Variants in SNRPN observed in about 807,000 individuals in gnomAD.
The protein encoded by SNRPN is small nuclear ribonucleoprotein-associated protein N.
Under a neutral mutation model 25.2 loss-of-function variants are expected in SNRPN, and 7 were observed. The observed-to-expected ratio is 0.28, with a 90% CI of 0.16 to 0.52. The LOEUF (loss-of-function observed/expected upper bound fraction) is 0.52, where lower values mean the gene tolerates loss of function less well. Among genes scored for constraint, SNRPN ranks in the 20% least tolerant of loss-of-function variants. The pLI is 0.96. For missense variants in SNRPN, 196 were observed against 322.5 expected (o/e 0.61, Z 3.00); for synonymous variants, 124 against 110.6 (o/e 1.12, Z -0.76).
In SNRPN at chr15:24,975,504, G is replaced by T; in HGVS notation, c.150G>T (p.Lys50Asn). Reference protein sequence around the residue: ...LILCDCDEFRKIKPKNAKQPE... With the variant: ...LILCDCDEFRNIKPKNAKQPE... The stretch of plus-strand genomic sequence containing the variant: ...TCTGTGATTGTGATGAGTTCAGAAA[G>T]ATCAAGTAAGGCTGATTTGGGCAAA... The change falls in exon 5 of 10, where the codon AAG becomes AAT. Residue 50 changes from lysine (K) to asparagine (N), a missense_variant. Lys to Asn is a moderately conservative substitution (Grantham distance 94). Transcript: ENST00000390687. 6.2e-7 allele frequency: 1 copy of T among 1,613,342 alleles called. No individual in the cohort carries two copies. The highest frequency in any genetic ancestry group is 8.5e-7 in the Non-Finnish European group (1 of 1,179,622).
chr15:24,972,318 C>T (rs899740081), intron 3 of SNRPN, among the ~76,000 whole-genome samples: 2 of 150,786 alleles, frequency 1.3e-5, no homozygotes, highest in Admixed American at 1.3e-4. Flanking sequence ...TGGATTTAGA[C>T]TGCTTTATAA....
intron 3 of SNRPN, among the ~76,000 whole-genome samples, chr15:24,973,923 G>GA (rs771758257): frequency 1.4e-4 from 21 of 151,968 alleles, no homozygotes; most frequent in Non-Finnish European, 2.9e-4. Flanking sequence ...AGGTATTTCA[G>GA]AAAAAAGGAA....
chr15:24,860,930 C>A (rs1402246695), intron 1 of SNRPN, among the ~76,000 whole-genome samples: 1 of 152,066 alleles, frequency 6.6e-6, no homozygotes, highest in Non-Finnish European at 1.5e-5. Flanking sequence ...GTGGTTCAAC[C>A]TATTATACCC....
intron 3 of SNRPN, among the ~76,000 whole-genome samples, chr15:24,937,739 A>C (rs1433193692): frequency 6.6e-6 from 1 of 152,154 alleles, no homozygotes; most frequent in African/African-American, 2.4e-5. Context: ...ACAAAACTGA[A>C]AATTGCCCAT....
chr15:24,891,305 C>T (rs927283904), intron 2 of SNRPN, among the ~76,000 whole-genome samples: 5 of 151,924 alleles, frequency 3.3e-5, no homozygotes, highest in South Asian at 4.1e-4. Flanking sequence ...AAATAATATT[C>T]GGGTTAATTT....
intron 1 of SNRPN, among the ~76,000 whole-genome samples, chr15:24,826,710 G>A (rs987791413): frequency 2.6e-5 from 4 of 152,098 alleles, no homozygotes; most frequent in African/African-American, 9.7e-5. Flanking sequence ...ATGGGTATAG[G>A]TAGGAGTCTC....
chr15:24,924,187 C>T (rs1313975592), intron 3 of SNRPN, among the ~76,000 whole-genome samples: 2 of 151,814 alleles, frequency 1.3e-5, no homozygotes, highest in South Asian at 2.1e-4. Context: ...GATATGGACA[C>T]AGGGACATCA....
upstream of SNRPN, among the ~76,000 whole-genome samples, chr15:24,855,198 A>G (rs1430555749): frequency 6.6e-6 from 1 of 152,212 alleles, no homozygotes; most frequent in Non-Finnish European, 1.5e-5. Flanking sequence ...ATTGATGTGA[A>G]TAATTTATTT....
At chr15:24,907,662 T>C (rs1232987986) in intron 2 of SNRPN, among the ~76,000 whole-genome samples, 1 of 151,712 alleles carries the variant, frequency 6.6e-6, no homozygotes, top group Non-Finnish European at 1.5e-5. Flanking sequence ...CCCAGGCTGG[T>C]CTTAAACTCC....
At chr15:24,907,868 C>T (rs2058934776) in intron 2 of SNRPN, among the ~76,000 whole-genome samples, 1 of 151,820 alleles carries the variant, frequency 6.6e-6, no homozygotes, top group Non-Finnish European at 1.5e-5. Context: ...GCCTGTCCAA[C>T]ACAGTGAAAC....
chr15:24,974,336 G>T lies in SNRPN; in HGVS notation c.-118G>T. ...GCTCCATCTACTCTTTGAAGCTTCT[G>T]CCCAGCTTGCATTGTTTCTAGGAGA... is the stretch of plus-strand genomic sequence containing the variant. On this transcript the variant is annotated 5_prime_UTR_variant, in exon 4 of 10. Coordinates refer to ENST00000390687, the MANE Select transcript of SNRPN (RefSeq NM_003097.6). 6.7e-6 allele frequency: 6 copies of T among 898,650 alleles called. No homozygotes were observed. Among genetic ancestry groups the T allele is most frequent in the Non-Finnish European group, 5.6e-6 (3 of 531,088 alleles). 55.7% of individuals were successfully genotyped at this position (898,650 alleles called of 1,614,324 possible).
At chr15:24,845,160 C>G (rs1281951337) in intron 2 of SNRPN, among the ~76,000 whole-genome samples, 2 of 152,116 alleles carry the variant, frequency 1.3e-5, no homozygotes, top group Non-Finnish European at 2.9e-5. Flanking sequence ...CTCCAGTTAT[C>G]TAAATATTTA....
At position 24,864,296 on chromosome 15, in the gene SNRPN, A is replaced by G. The variant is rs543530620; in HGVS notation, c.-579+7580A>G. Among the ~76,000 whole-genome samples the G allele has an allele frequency of 5.7e-4, 84 of 146,090 alleles. 2 individuals are homozygous for G. The South Asian group carries it at 0.011, about 20-fold the overall frequency. On this transcript the variant is annotated intron_variant, in intron 1 of 11. Transcript: ENST00000400097. Reference sequence around the variant, plus strand: ...GCCCGCCTCGGCCTCCCAAAGTGCTAGGATTACAGGCAAGAACCGCCGCTC... The same window carrying G: ...GCCCGCCTCGGCCTCCCAAAGTGCTGGGATTACAGGCAAGAACCGCCGCTC...
chr15:24,875,489 G>C (rs1194009604), intron 1 of SNRPN, among the ~76,000 whole-genome samples: 6 of 152,062 alleles, frequency 3.9e-5, no homozygotes, highest in South Asian at 2.1e-4. Context: ...GAACCATCTG[G>C]TGATCATTTT....
chr15:24,976,161 G>C, intron 5 of SNRPN, 144 bp from the exon 6 acceptor site: 1 of 665,616 alleles, frequency 1.5e-6, no homozygotes, highest in South Asian at 1.8e-5. Context: ...TGTGTTTACA[G>C]ATATTTTTTG....
chr15:24,968,193 C>CAA (rs2075927392), intron 3 of SNRPN, 111 bp downstream of exon 3: 1 of 681,064 alleles, frequency 1.5e-6, no homozygotes, highest in African/African-American at 1.8e-5. Flanking sequence ...GAGCTTCATA[C>CAA]AATAAACACA....
chr15:24,857,129 T>C (rs2053477626), intron 1 of SNRPN, among the ~76,000 whole-genome samples: 1 of 152,246 alleles, frequency 6.6e-6, no homozygotes, highest in Non-Finnish European at 1.5e-5. Context: ...TTGCATTATA[T>C]TGTTTAGCTT....
intron 3 of SNRPN, 180 bp downstream of exon 3, chr15:24,968,262 T>C (rs781496065): frequency 3.9e-6 from 2 of 508,554 alleles, no homozygotes; most frequent in African/African-American, 1.9e-5. Context: ...GACACTTTCG[T>C]CATGTTTCTG....
rs569061308 is a variant in SNRPN, at chr15:24,828,214, A to C, written c.-686-1584A>C. Among the ~76,000 whole-genome samples the C allele has an allele frequency of 1.7e-3, 260 of 152,276 alleles. 2 individuals are homozygous for C. Among genetic ancestry groups the C allele is most frequent in the African/African-American group, 6.0e-3 (248 of 41,510 alleles). On this transcript the variant is annotated intron_variant, in intron 1 of 12. Coordinates refer to the SNRPN transcript ENST00000400100. ...CCAGAGAAATGAATGTGTTCACGTA[A>C]TCCTCTGTGGCATAAAGAGTAATGG...
Sources: gnomAD v4.1 joint callset for allele counts (sites outside exome capture counted in the v4.1 genomes callset) on GRCh38, gnomAD v4.1.1 for gene constraint, MANE v1.5 for transcripts, NCBI Gene and HGNC (gene_info 2026-07-23, HGNC 2026-07-21) for gene names.